EDA: variants seen among roughly 807,000 people sequenced by gnomAD.
EDA encodes the protein ectodysplasin-A.
A neutral mutation model predicts 23.6 loss-of-function variants in EDA; 2 were observed. That is an observed-to-expected ratio of 0.08 (90% CI 0.03 to 0.27). EDA has a LOEUF of 0.27. EDA is among the 10% of genes least tolerant of loss of function. EDA has a pLI of 1.00. For synonymous variants in EDA, 131 were observed against 132.0 expected, an observed-to-expected ratio of 0.99 and a Z score of 0.05; for missense variants, 229 against 324.2, an observed-to-expected ratio of 0.71 and a Z score of 2.26.
intron 1 of EDA, among the ~76,000 whole-genome samples, chrX:69,939,232 T>G (rs2018720856): frequency 8.9e-6 from 1 of 112,195 alleles, no homozygotes. Context: ...GAACATGGAC[T>G]ATCTTTTCCA....
intron 1 of EDA, among the ~76,000 whole-genome samples, chrX:69,634,672 T>C (rs1015383474): frequency 1.9e-5 from 2 of 108,033 alleles, no homozygotes; most frequent in African/African-American, 6.6e-5. Context: ...TAGGCTTTCT[T>C]ATTTTTTTTT....
chrX:69,763,528 C>T (rs1002624088), intron 1 of EDA, among the ~76,000 whole-genome samples: 1 of 111,944 alleles, frequency 8.9e-6, no homozygotes, highest in African/African-American at 3.2e-5. Flanking sequence ...ATGAATTATG[C>T]CTACACAATG....
At chrX:69,953,196 C>A (rs1274665207) in intron 1 of EDA, among the ~76,000 whole-genome samples, 1 of 112,094 alleles carries the variant, frequency 8.9e-6, no homozygotes, top group African/African-American at 3.2e-5. Context: ...AACTAAATGT[C>A]AAGCCTATAG....
intron 1 of EDA, among the ~76,000 whole-genome samples, chrX:69,871,341 A>G (rs1406974946): frequency 9.0e-6 from 1 of 111,578 alleles, no homozygotes; most frequent in African/African-American, 3.3e-5. Context: ...GCATATATAA[A>G]GGGGAATTTA....
At chrX:69,900,021 A>G (rs1232378800) in intron 1 of EDA, among the ~76,000 whole-genome samples, 2 of 111,510 alleles carry the variant, frequency 1.8e-5, no homozygotes, top group Admixed American at 9.6e-5. Context: ...CATCTGAAAA[A>G]TGGGGTTAAT....
intron 1 of EDA, among the ~76,000 whole-genome samples, chrX:69,804,425 G>C (rs758266862): frequency 1.1e-4 from 11 of 98,897 alleles, no homozygotes; most frequent in Non-Finnish European, 1.6e-4. Context: ...TGCTAAGATG[G>C]CTGAGGTTAT....
chrX:69,779,791 C>T (rs998522600), intron 1 of EDA, among the ~76,000 whole-genome samples: 4 of 111,599 alleles, frequency 3.6e-5, no homozygotes, highest in African/African-American at 1.3e-4. Flanking sequence ...CCCTGATTGG[C>T]CATAGCTTGC....
At chrX:69,696,646 T>A (rs993395728) in intron 1 of EDA, among the ~76,000 whole-genome samples, 39 of 111,936 alleles carry the variant, frequency 3.5e-4, no homozygotes, top group African/African-American at 1.3e-3. Flanking sequence ...TTGATTAGGA[T>A]TTTCAACTCT....
At chrX:69,710,318 A>G (rs1159777060) in intron 1 of EDA, among the ~76,000 whole-genome samples, 3 of 110,224 alleles carry the variant, frequency 2.7e-5, no homozygotes, top group Non-Finnish European at 5.7e-5. Flanking sequence ...GATATGCGGC[A>G]TTATTTCTGA....
intron 1 of EDA, among the ~76,000 whole-genome samples, chrX:69,769,204 T>A (rs755951595): frequency 2.7e-5 from 3 of 111,801 alleles, no homozygotes; most frequent in Non-Finnish European, 3.8e-5. Context: ...TGATAGTGTT[T>A]GCAAAGTCTT....
intron 1 of EDA, among the ~76,000 whole-genome samples, chrX:69,822,091 T>C (rs1174534510): frequency 9.0e-6 from 1 of 110,880 alleles, no homozygotes; most frequent in East Asian, 2.8e-4. Flanking sequence ...GAGGCCAGCC[T>C]GGGCAACATA....
chrX:69,678,156 G>T (rs1934179166), intron 1 of EDA, among the ~76,000 whole-genome samples: 1 of 110,515 alleles, frequency 9.0e-6, no homozygotes, highest in African/African-American at 3.3e-5. Context: ...ATTCCTGAGG[G>T]CTCTGTTCTG....
intron 2 of EDA, among the ~76,000 whole-genome samples, chrX:69,980,970 C>T (rs979597480): frequency 1.8e-5 from 2 of 112,215 alleles, no homozygotes; most frequent in Non-Finnish European, 3.8e-5. Context: ...GAGCCTTGGG[C>T]AGGCTGGGCT....
intron 1 of EDA, among the ~76,000 whole-genome samples, chrX:69,705,645 A>G: frequency 8.9e-6 from 1 of 112,151 alleles, no homozygotes; most frequent in Admixed American, 9.4e-5. Context: ...AAACTGAGGT[A>G]AATAGAGTGG....
intron 1 of EDA, among the ~76,000 whole-genome samples, chrX:69,873,797 G>A (rs150871286): frequency 0.025 from 2,844 of 111,882 alleles, 38 homozygotes; most frequent in Non-Finnish European, 0.042. Context: ...CCAAAAGATA[G>A]AGAAAGAGGG....
At chrX:69,980,911 A>G (rs2019395913) in intron 2 of EDA, among the ~76,000 whole-genome samples, 1 of 112,072 alleles carries the variant, frequency 8.9e-6, no homozygotes, top group South Asian at 3.7e-4. Context: ...GCAGGTGTTC[A>G]TTTTGTCTTT....
chrX:69,834,588 A>G (rs759325969), intron 1 of EDA, among the ~76,000 whole-genome samples: 1 of 72,057 alleles, frequency 1.4e-5, no homozygotes, highest in African/African-American at 4.9e-5. Context: ...CCATCCCTTT[A>G]TTTTGAGCCT....
chrX:69,853,484 A>G (rs1346622048), intron 1 of EDA, among the ~76,000 whole-genome samples: 1 of 111,509 alleles, frequency 9.0e-6, no homozygotes, highest in African/African-American at 3.3e-5. Flanking sequence ...TAAAGAGAGG[A>G]TGACTGAAAT....
intron 1 of EDA, among the ~76,000 whole-genome samples, chrX:69,721,698 G>C (rs920457702): frequency 9.0e-6 from 1 of 111,343 alleles, no homozygotes; most frequent in Non-Finnish European, 1.9e-5. Context: ...CAAACACCAG[G>C]TCTAGGTGGT....
Sources: gnomAD v4.1 joint callset for allele counts (sites outside exome capture counted in the v4.1 genomes callset) on GRCh38, gnomAD v4.1.1 for gene constraint, MANE v1.5 for transcripts, NCBI Gene and HGNC (gene_info 2026-07-23, HGNC 2026-07-21) for gene names.